The following CCDC85A variants were observed in gnomAD, a reference collection of about 807,000 sequenced individuals.
CCDC85A encodes the protein coiled-coil domain-containing protein 85A.
In CCDC85A, 38 loss-of-function variants were observed where a neutral mutation model predicts 50.2. The observed-to-expected ratio is 0.76, with a 90% confidence interval of 0.58 to 0.99. The LOEUF (loss-of-function observed/expected upper bound fraction) is 0.99, where lower values mean the gene tolerates loss of function less well. Ranked by LOEUF, CCDC85A falls within the 50% of genes least tolerant of loss-of-function variation. The probability of loss-of-function intolerance (pLI) is 0.00; values close to 1 mark genes in which losing one functional copy is unlikely to be tolerated. For synonymous variants in CCDC85A, 366 were observed against 301.4 expected (o/e 1.21, Z -2.22); for missense variants, 820 against 742.0 (o/e 1.11, Z -1.22).
At chr2:56,348,707 T>A (rs1674753646) in intron 3 of CCDC85A, among the ~76,000 whole-genome samples, 1 of 152,158 alleles carries the variant, frequency 6.6e-6, no homozygotes, top group Non-Finnish European at 1.5e-5. Flanking sequence ...GCATCACATC[T>A]CTGAAGTCCT....
intron 2 of CCDC85A, among the ~76,000 whole-genome samples, chr2:56,236,405 C>G (rs1017530741): frequency 6.6e-6 from 1 of 152,110 alleles, no homozygotes; most frequent in Non-Finnish European, 1.5e-5. Context: ...AAGGCATGAT[C>G]TGTGTCTGAC....
intron 2 of CCDC85A, among the ~76,000 whole-genome samples, chr2:56,223,715 C>T (rs547342345): frequency 2.6e-5 from 4 of 152,234 alleles, no homozygotes; most frequent in Admixed American, 6.5e-5. Flanking sequence ...ATTTAATCAG[C>T]GAAAAATGCT....
intron 2 of CCDC85A, among the ~76,000 whole-genome samples, chr2:56,276,579 G>A (rs1406481755): frequency 1.3e-5 from 2 of 152,030 alleles, no homozygotes; most frequent in African/African-American, 2.4e-5. Flanking sequence ...TCTCTCTCTT[G>A]CCGCTGCCAC....
chr2:56,343,307 T>C (rs1016606141), intron 3 of CCDC85A, among the ~76,000 whole-genome samples: 1 of 152,222 alleles, frequency 6.6e-6, no homozygotes, highest in Non-Finnish European at 1.5e-5. Context: ...GGTAATCTTA[T>C]TTAAATAGAA....
At chr2:56,376,752 A>G (rs1676355669) in intron 5 of CCDC85A, among the ~76,000 whole-genome samples, 1 of 152,242 alleles carries the variant, frequency 6.6e-6, no homozygotes, top group South Asian at 2.1e-4. Flanking sequence ...TGTATGAAGC[A>G]CTGTCTAACA....
At chr2:56,351,312 A>G (rs1163568313) in intron 3 of CCDC85A, among the ~76,000 whole-genome samples, 3 of 151,688 alleles carry the variant, frequency 2.0e-5, no homozygotes, top group Non-Finnish European at 4.4e-5. Context: ...CAATAAACAT[A>G]CGTGTGCATG....
chr2:56,349,032 C>T (rs1674768712), intron 3 of CCDC85A, among the ~76,000 whole-genome samples: 2 of 152,120 alleles, frequency 1.3e-5, no homozygotes, highest in South Asian at 4.1e-4. Context: ...TGATGGTATT[C>T]CTCAACTGTT....
chr2:56,242,811 G>T (rs1669323123), intron 2 of CCDC85A, among the ~76,000 whole-genome samples: 1 of 152,100 alleles, frequency 6.6e-6, no homozygotes. Context: ...ACCTCTGCTT[G>T]TGGGGTATTT....
chr2:56,369,560 T>A (rs1020216861), intron 3 of CCDC85A, among the ~76,000 whole-genome samples: 1 of 152,138 alleles, frequency 6.6e-6, no homozygotes, highest in Non-Finnish European at 1.5e-5. Flanking sequence ...CCTTTCAAAG[T>A]CAGCAAGGTA....
intron 2 of CCDC85A, among the ~76,000 whole-genome samples, chr2:56,337,902 A>G (rs1375159724): frequency 6.6e-6 from 1 of 151,424 alleles, no homozygotes; most frequent in East Asian, 1.9e-4. Flanking sequence ...CTCCTGCCTC[A>G]GCCTCCCGAG....
At chr2:56,229,016 A>G (rs1432475934) in intron 2 of CCDC85A, among the ~76,000 whole-genome samples, 1 of 152,176 alleles carries the variant, frequency 6.6e-6, no homozygotes, top group Non-Finnish European at 1.5e-5. Flanking sequence ...TGTGATTGCA[A>G]AGTCTTCTGA....
At chr2:56,361,346 A>C (rs1675518097) in intron 3 of CCDC85A, among the ~76,000 whole-genome samples, 2 of 152,202 alleles carry the variant, frequency 1.3e-5, no homozygotes, top group Admixed American at 6.5e-5. Flanking sequence ...TTACCCCTTG[A>C]ATCTTTTTTG....
chr2:56,382,553 C>T (rs185691985), intron 5 of CCDC85A, among the ~76,000 whole-genome samples: 90 of 152,098 alleles, frequency 5.9e-4, no homozygotes, highest in African/African-American at 2.1e-3. Context: ...GTCTGTTTGG[C>T]TCTTGTAAAT....
chr2:56,258,792 A>G (rs1375473118), intron 2 of CCDC85A, among the ~76,000 whole-genome samples: 1 of 152,210 alleles, frequency 6.6e-6, no homozygotes, highest in African/African-American at 2.4e-5. Context: ...TTCTTGAGAA[A>G]TGAGGAAGAA....
chr2:56,352,923 T>TA (rs1179631836), intron 3 of CCDC85A, among the ~76,000 whole-genome samples: 1 of 152,186 alleles, frequency 6.6e-6, no homozygotes, highest in Non-Finnish European at 1.5e-5. Context: ...TCACAGGTGA[T>TA]ATGGAAAGAG....
intron 2 of CCDC85A, among the ~76,000 whole-genome samples, chr2:56,286,346 A>G (rs1361982147): frequency 2.0e-5 from 3 of 152,120 alleles, no homozygotes; most frequent in Non-Finnish European, 4.4e-5. Context: ...TCAGCTAACA[A>G]TTGCACGTTA....
chr2:56,276,992 A>G (rs1670977670), intron 2 of CCDC85A, among the ~76,000 whole-genome samples: 1 of 152,142 alleles, frequency 6.6e-6, no homozygotes, highest in African/African-American at 2.4e-5. Flanking sequence ...AGCAGAGAAG[A>G]TAGTCTCCCA....
chr2:56,290,805 C>G (rs1033391355), intron 2 of CCDC85A, among the ~76,000 whole-genome samples: 22 of 152,120 alleles, frequency 1.4e-4, no homozygotes, highest in African/African-American at 5.3e-4. Context: ...TTGAGGTATA[C>G]TAGTTTGTAG....
intron 2 of CCDC85A, among the ~76,000 whole-genome samples, chr2:56,256,276 T>C (rs1669981751): frequency 1.3e-5 from 2 of 152,196 alleles, no homozygotes; most frequent in Non-Finnish European, 2.9e-5. Flanking sequence ...AGAATGAACC[T>C]CCTGGTTGGA....
Sources: allele counts gnomAD v4.1 joint callset (sites outside exome capture counted in the v4.1 genomes callset), GRCh38; gene constraint gnomAD v4.1.1; transcripts MANE v1.5; gene names NCBI Gene and HGNC (gene_info 2026-07-23, HGNC 2026-07-21).